The following KLHL2 variants were observed in gnomAD, a reference collection of about 807,000 sequenced individuals.
The protein encoded by KLHL2 is kelch-like protein 2.
KLHL2 carries 15 observed loss-of-function variants against 75.8 expected under a neutral mutation model. That is an observed-to-expected ratio of 0.20 (90% CI 0.13 to 0.30). KLHL2 has a LOEUF of 0.30. Ranked by LOEUF, KLHL2 falls within the 10% of genes least tolerant of loss-of-function variation. KLHL2 has a pLI of 1.00. For synonymous variants in KLHL2, 214 were observed against 251.9 expected (o/e 0.85, Z 1.42); for missense variants, 381 against 741.0 (o/e 0.51, Z 5.64).
In KLHL2 at chr4:165,218,114, T is replaced by C. The variant is rs191048668; in HGVS notation, c.27-1820T>C. The stretch of plus-strand genomic sequence containing the variant: ...TGTCCTCCCTAAGCCACTGTCATTT[T>C]TTAGTGAATTATTGTAATATCCTGC... On this transcript the variant is annotated intron_variant, in intron 1 of 14. Coordinates refer to ENST00000226725, the MANE Select transcript of KLHL2 (RefSeq NM_007246.4). 6.9e-3 allele frequency among the ~76,000 whole-genome samples: 1,044 copies of C among 152,306 alleles called. 13 individuals are homozygous for C. The highest frequency in any genetic ancestry group is 0.024 in the African/African-American group (988 of 41,548).
In KLHL2 at chr4:165,319,530, G is replaced by A. The variant is rs185295620; in HGVS notation, c.1753+1561G>A. ...AAGGAAAAAGGAAATTCATGAAGCC[G>A]TCCCTGCAGCCATCCCAGCAGTTTT... On this transcript the variant is annotated intron_variant, in intron 14 of 14. Coordinates refer to ENST00000226725, the MANE Select transcript of KLHL2 (RefSeq NM_007246.4). The surrounding 1 kb of genome is among the most constrained non-coding windows in gnomAD (Gnocchi z 4.5). Among the ~76,000 whole-genome samples, 52 of 152,306 alleles carry A rather than the reference G, an allele frequency of 3.4e-4. No individual in the cohort carries two copies. The South Asian group carries it at 4.8e-3, about 14-fold the overall frequency.
At chr4:165,236,077 T>G (rs17842697) in intron 3 of KLHL2, among the ~76,000 whole-genome samples, 66,317 of 151,584 alleles carry the variant, frequency 0.44, 15,505 homozygotes, top group African/African-American at 0.6. Flanking sequence ...AGCAAGAGAT[T>G]ATAGGATCCC....
At chr4:165,300,637 A>G (rs1032199439) in intron 8 of KLHL2, among the ~76,000 whole-genome samples, 1 of 152,170 alleles carries the variant, frequency 6.6e-6, no homozygotes, top group Admixed American at 6.5e-5. Flanking sequence ...TCTGTTGGCA[A>G]TTCCTTCTGC....
intron 5 of KLHL2, among the ~76,000 whole-genome samples, chr4:165,269,044 T>G (rs1384058135): frequency 6.6e-6 from 1 of 152,246 alleles, no homozygotes; most frequent in Non-Finnish European, 1.5e-5. Flanking sequence ...CTTGTTGAAT[T>G]GATCCCTTTA....
chr4:165,302,388 G>A (rs759882273), intron 8 of KLHL2, among the ~76,000 whole-genome samples: 1 of 152,074 alleles, frequency 6.6e-6, no homozygotes, highest in African/African-American at 2.4e-5. Flanking sequence ...TTTTATCATC[G>A]TAATAATGAG....
chr4:165,238,672 C>T (rs1739559117), intron 3 of KLHL2, 106 bp from the exon 4 acceptor site: 1 of 1,563,316 alleles, frequency 6.4e-7, no homozygotes, highest in African/African-American at 1.4e-5. Flanking sequence ...ATTATGCTGC[C>T]TGTTGAATAC....
intron 5 of KLHL2, among the ~76,000 whole-genome samples, chr4:165,292,131 A>G (rs1271948510): frequency 1.3e-5 from 2 of 152,190 alleles, no homozygotes; most frequent in Admixed American, 6.5e-5. Flanking sequence ...TTGAATCTGC[A>G]GATGTAGAAC....
At chr4:165,256,059 A>G (rs1409103397) in intron 4 of KLHL2, among the ~76,000 whole-genome samples, 3 of 152,036 alleles carry the variant, frequency 2.0e-5, no homozygotes, top group African/African-American at 4.8e-5. Flanking sequence ...AACATCTTCT[A>G]TGTAATTTGG....
At chr4:165,288,687 G>A (rs1306160604) in intron 5 of KLHL2, among the ~76,000 whole-genome samples, 2 of 152,086 alleles carry the variant, frequency 1.3e-5, no homozygotes, top group Non-Finnish European at 2.9e-5. Flanking sequence ...GTGCTACAGT[G>A]AATAACTCAG....
chr4:165,265,787 G>T (rs1475518252), intron 5 of KLHL2, among the ~76,000 whole-genome samples: 1 of 152,156 alleles, frequency 6.6e-6, no homozygotes, highest in Non-Finnish European at 1.5e-5. Flanking sequence ...AAACATGTGT[G>T]CGTGTGTCTT....
intron 1 of KLHL2, among the ~76,000 whole-genome samples, chr4:165,217,257 T>C (rs1737612188): frequency 6.6e-6 from 1 of 152,210 alleles, no homozygotes; most frequent in Non-Finnish European, 1.5e-5. Flanking sequence ...GTTAGAAAGT[T>C]TGCATGGGTT....
rs146868319 is a variant in KLHL2 at position 165,216,794 on chromosome 4, TG to T, written c.27-3139del. 6.9e-3 allele frequency among the ~76,000 whole-genome samples: 1,049 copies of T among 152,316 alleles called. 14 individuals carry two copies. The highest frequency in any genetic ancestry group is 0.024 in the African/African-American group (993 of 41,564). On this transcript the variant is annotated intron_variant, in intron 1 of 14. Coordinates refer to ENST00000226725, the MANE Select transcript of KLHL2 (RefSeq NM_007246.4). ...AAATGGACGTTTGCAGAAGGGGTGA[TG>T]TATTTGTAAGTGACTCTCGGTACAG...
chr4:165,297,758 C>A, intron 7 of KLHL2, 33 bp downstream of exon 7: 1 of 1,255,444 alleles, frequency 8.0e-7, no homozygotes, highest in Non-Finnish European at 1.2e-6. Flanking sequence ...TGAATCCACA[C>A]AGCACTGTGT....
intron 5 of KLHL2, among the ~76,000 whole-genome samples, chr4:165,276,810 T>G (rs918062554): frequency 2.6e-5 from 4 of 152,164 alleles, no homozygotes; most frequent in African/African-American, 7.2e-5. Context: ...GTATTTAACT[T>G]TTTTGACATC....
At chr4:165,276,966 T>C (rs1408206437) in intron 5 of KLHL2, among the ~76,000 whole-genome samples, 1 of 152,148 alleles carries the variant, frequency 6.6e-6, no homozygotes, top group South Asian at 2.1e-4. Context: ...TAAATAAAAA[T>C]GTAAGGGATA....
intron 4 of KLHL2, among the ~76,000 whole-genome samples, chr4:165,240,783 A>T (rs1739755323): frequency 6.6e-6 from 1 of 152,210 alleles, no homozygotes; most frequent in South Asian, 2.1e-4. Flanking sequence ...TCTTTGATTC[A>T]CATAATGGGC....
chr4:165,278,665 A>G (rs777401156), intron 5 of KLHL2: 7 of 1,599,108 alleles, frequency 4.4e-6, no homozygotes, highest in Non-Finnish European at 6.0e-6. Context: ...AGCGAATAAC[A>G]GCACCAGCTA....
At chr4:165,221,103 C>T (rs1737953417) in intron 2 of KLHL2, among the ~76,000 whole-genome samples, 1 of 152,130 alleles carries the variant, frequency 6.6e-6, no homozygotes. Flanking sequence ...TTTGTTTCTT[C>T]TTTAATTAAA....
intron 2 of KLHL2, among the ~76,000 whole-genome samples, chr4:165,220,365 A>G (rs890006897): frequency 6.6e-6 from 1 of 152,176 alleles, no homozygotes; most frequent in Non-Finnish European, 1.5e-5. Context: ...TATTTTATTA[A>G]TACTTTTAAA....
Sources: allele counts gnomAD v4.1 joint callset (sites outside exome capture counted in the v4.1 genomes callset), GRCh38; gene constraint gnomAD v4.1.1; non-coding constraint Gnocchi (gnomAD v3.1); transcripts MANE v1.5; gene names NCBI Gene and HGNC (gene_info 2026-07-23, HGNC 2026-07-21).